Variants in KLHL24 observed in about 807,000 individuals in gnomAD.
The protein encoded by KLHL24 is kelch like family member 24.
Under a neutral mutation model 53.4 loss-of-function variants are expected in KLHL24, and 29 were observed. That is an observed-to-expected ratio of 0.54 (90% CI 0.40 to 0.74). The LOEUF is 0.74. Ranked by LOEUF, KLHL24 falls within the 30% of genes least tolerant of loss-of-function variation. KLHL24 has a pLI of 0.00. For missense variants in KLHL24, 504 were observed against 744.0 expected (o/e 0.68, Z 3.75); for synonymous variants, 222 against 253.7 (o/e 0.88, Z 1.19).
intron 7 of KLHL24, among the ~76,000 whole-genome samples, chr3:183,675,263 G>A (rs575029911): frequency 8.2e-4 from 124 of 152,076 alleles, no homozygotes; most frequent in Non-Finnish European, 1.3e-3. Flanking sequence ...TAGTGAATAG[G>A]GTTTGAATAT....
chr3:183,644,034 C>CTTGTTTTTTTTT (rs1716864774), intron 2 of KLHL24: 1 of 76,082 alleles, frequency 1.3e-5, no homozygotes, highest in Non-Finnish European at 2.3e-5. Context: ...TTTTTCTTTC[C>CTTGTTTTTTTTT]TTTTTTTTTT....
At position 183,665,830 on chromosome 3, in the gene KLHL24, A is replaced by G. The variant is rs187466637; in HGVS notation, c.1224+791A>G. Among the ~76,000 whole-genome samples, 5 of 152,248 alleles carry G rather than the reference A, an allele frequency of 3.3e-5. No individual in the cohort carries two copies. In the East Asian group the frequency reaches 9.6e-4, roughly 29 times the overall value. ...ACTGCAGCTAATGATTATTATAAAC[A>G]ATACATTATTTGGGTTCTAAACCAT... On this transcript the variant is annotated intron_variant, in intron 5 of 7. Coordinates refer to ENST00000242810, the MANE Select transcript of KLHL24 (RefSeq NM_017644.3).
At chr3:183,668,582 G>C (rs1461199740) in intron 5 of KLHL24, among the ~76,000 whole-genome samples, 1 of 152,178 alleles carries the variant, frequency 6.6e-6, no homozygotes, top group East Asian at 1.9e-4. Context: ...GTGTAACTTA[G>C]AAGTGTGTCT....
intron 3 of KLHL24, among the ~76,000 whole-genome samples, chr3:183,662,914 C>G (rs1280380847): frequency 3.9e-5 from 6 of 152,126 alleles, no homozygotes; most frequent in Non-Finnish European, 8.8e-5. Flanking sequence ...GATTGCCCAA[C>G]ATTTTGAGTT....
chr3:183,640,843 G>A (rs1037974324), intron 1 of KLHL24, among the ~76,000 whole-genome samples: 7 of 151,856 alleles, frequency 4.6e-5, no homozygotes, highest in Admixed American at 1.3e-4. Context: ...CTCGTGATCC[G>A]CCTGCCTCAG....
chr3:183,678,377 T>C (rs1453440829), intron 7 of KLHL24, among the ~76,000 whole-genome samples: 1 of 152,242 alleles, frequency 6.6e-6, no homozygotes, highest in Admixed American at 6.5e-5. Context: ...CGCCACTTTC[T>C]ATAATAACCT....
At chr3:183,638,541 G>C (rs1289197238) in intron 1 of KLHL24, among the ~76,000 whole-genome samples, 1 of 152,142 alleles carries the variant, frequency 6.6e-6, no homozygotes, top group Non-Finnish European at 1.5e-5. Context: ...ACAAGTATAC[G>C]TATGAAAAAT....
chr3:183,667,852 G>C (rs1479379862), intron 5 of KLHL24, among the ~76,000 whole-genome samples: 2 of 151,906 alleles, frequency 1.3e-5, no homozygotes, highest in Non-Finnish European at 2.9e-5. Context: ...TAGTAGCTAA[G>C]ACTGCAGGCA....
chr3:183,636,496 C>T (rs569613219), intron 1 of KLHL24: 27 of 152,358 alleles, frequency 1.8e-4, no homozygotes, highest in Admixed American at 7.2e-4. Context: ...GCGGGCGTTC[C>T]GCCGGCGCAG....
At chr3:183,645,467 C>T (rs1438789218) in intron 2 of KLHL24, among the ~76,000 whole-genome samples, 4 of 152,174 alleles carry the variant, frequency 2.6e-5, no homozygotes, top group African/African-American at 7.2e-5. Flanking sequence ...TGTGTATGCA[C>T]ATGCATCCAG....
In KLHL24 at chr3:183,671,079, G is replaced by A. The variant is rs141080869; in HGVS notation, c.1270G>A (p.Val424Ile). Residue 424 changes from valine (V) to isoleucine (I), a missense_variant, in exon 6 of 8, where the codon GTA (valine) becomes ATA (isoleucine). Coordinates refer to ENST00000242810, the MANE Select transcript of KLHL24 (RefSeq NM_017644.3). ...TGATGGGCAAAACAGACTTAGCAGCGTAGAATGTTATGATTCCTTTTCAAA... is the reference window on the plus strand; with the variant it reads ...TGATGGGCAAAACAGACTTAGCAGCATAGAATGTTATGATTCCTTTTCAAA... ...GYDGQNRLSS[V>I]ECYDSFSNRW... The A allele has an allele frequency of 7.5e-5, 121 of 1,613,824 alleles. No homozygotes were observed. The African/African-American group carries it at 1.1e-3, about 14-fold the overall frequency.
chr3:183,674,235 A>C (rs1576980835), intron 7 of KLHL24, among the ~76,000 whole-genome samples: 1 of 138,540 alleles, frequency 7.2e-6, no homozygotes, highest in East Asian at 2.2e-4. Flanking sequence ...TAGCTCATTT[A>C]GCATCAATTT....
chr3:183,647,488 G>T (rs556174216), intron 2 of KLHL24, among the ~76,000 whole-genome samples: 1 of 152,134 alleles, frequency 6.6e-6, no homozygotes, highest in African/African-American at 2.4e-5. Flanking sequence ...TGAGGCGGGT[G>T]GATCACGAGG....
chr3:183,683,595 G>C lies in KLHL24; in HGVS notation c.*4309G>C, dbSNP rs1712909928. ...AATGAATAATTCCAGAGACACTTTA[G>C]ACATTTTTTAATGTTTTATATGAAC... On this transcript the variant is annotated 3_prime_UTR_variant, in exon 8 of 8. Transcript: ENST00000242810. The C allele has an allele frequency of 6.6e-6, 1 of 152,572 alleles. No homozygotes were observed. Among genetic ancestry groups the C allele is most frequent in the Admixed American group, 6.5e-5 (1 of 15,274 alleles). The allele number at this position is 152,572 out of a possible 1,614,324, so 9.5% of individuals were successfully genotyped here.
intron 5 of KLHL24, 47 bp downstream of exon 5, chr3:183,665,086 T>C (rs373571567): frequency 2.6e-5 from 24 of 929,472 alleles, no homozygotes; most frequent in Non-Finnish European, 4.0e-5. Context: ...CTTTCCAAAG[T>C]AAATACCACA....
chr3:183,653,895 C>G (rs1718489795), intron 3 of KLHL24, among the ~76,000 whole-genome samples: 1 of 152,146 alleles, frequency 6.6e-6, no homozygotes, highest in African/African-American at 2.4e-5. Context: ...CTCCAGTCTC[C>G]TGATTGCCAC....
intron 1 of KLHL24, among the ~76,000 whole-genome samples, chr3:183,642,047 C>T (rs1044023949): frequency 6.6e-6 from 1 of 152,190 alleles, no homozygotes; most frequent in Non-Finnish European, 1.5e-5. Flanking sequence ...GAATTTGAAT[C>T]TATTTTAGTA....
In KLHL24 at chr3:183,680,406, A is replaced by C. The variant is rs945071890; in HGVS notation, c.*1120A>C. 6.6e-6 allele frequency: 1 copy of C among 152,226 alleles called. No individual in the cohort carries two copies. Among genetic ancestry groups the C allele is most frequent in the African/African-American group, 2.4e-5 (1 of 41,468 alleles). The allele number at this position is 152,226 out of a possible 1,614,324, so 9.4% of individuals were successfully genotyped here. ...CTCTTCCTTGATTATCCCACTTTCT[A>C]GTGAACAGCTAAAATTCCTGAGAGT... On this transcript the variant is annotated 3_prime_UTR_variant, in exon 8 of 8. Coordinates refer to ENST00000242810, the MANE Select transcript of KLHL24 (RefSeq NM_017644.3).
At chr3:183,638,616 A>T (rs771793721) in intron 1 of KLHL24, among the ~76,000 whole-genome samples, 2 of 152,224 alleles carry the variant, frequency 1.3e-5, no homozygotes, top group African/African-American at 2.4e-5. Flanking sequence ...GCCACTTGAC[A>T]ACTGTTGACA....
Sources: allele counts gnomAD v4.1 joint callset (sites outside exome capture counted in the v4.1 genomes callset), GRCh38; gene constraint gnomAD v4.1.1; transcripts MANE v1.5; gene names NCBI Gene and HGNC (gene_info 2026-07-23, HGNC 2026-07-21).